Variants in SPACA9 observed in about 807,000 individuals in gnomAD.
SPACA9 encodes the protein sperm acrosome associated 9.
SPACA9 carries 14 observed loss-of-function variants against 12.5 expected under a neutral mutation model. That is an observed-to-expected ratio of 1.12 (90% CI 0.74 to 1.75). The LOEUF is 1.75. Among genes scored for constraint, SPACA9 ranks in the 40% most tolerant of loss-of-function variants. The probability of loss-of-function intolerance (pLI) is 0.00; values close to 1 mark genes in which losing one functional copy is unlikely to be tolerated. For synonymous variants in SPACA9, 111 were observed against 114.1 expected (o/e 0.97, Z 0.17); for missense variants, 292 against 291.9 (o/e 1.00, Z 0.00).
chr9:132,881,287 A>G (rs1844420738), intron 1 of SPACA9, among the ~76,000 whole-genome samples: 1 of 146,398 alleles, frequency 6.8e-6, no homozygotes, highest in African/African-American at 2.5e-5. Flanking sequence ...AAAAAAAAGA[A>G]AAAAAAGAAG....
chr9:132,886,177 G>A (rs1437813374), intron 2 of SPACA9, among the ~76,000 whole-genome samples: 1 of 152,222 alleles, frequency 6.6e-6, no homozygotes, highest in Admixed American at 6.5e-5. Context: ...ACCTGCATCT[G>A]TCATCAGATT....
Position 132,883,032 on chromosome 9 carries a change from G to A in SPACA9, c.-37-879G>A, listed in dbSNP as rs373333407. Among the ~76,000 whole-genome samples, 10 of 152,194 alleles carry A rather than the reference G, an allele frequency of 6.6e-5. No individual in the cohort carries two copies. In the East Asian group the frequency reaches 9.7e-4, roughly 15 times the overall value. On this transcript the variant is annotated intron_variant, in intron 1 of 3. Transcript: ENST00000356311. ...ATCTGTGGTCTGGAGCATTTTGCAC[G>A]CGCTCAGCAAAACTGTGATGTCATG...
At chr9:132,878,615 C>G (rs767755519), upstream of SPACA9, 2 of 1,072,892 alleles carry the variant, frequency 1.9e-6, no homozygotes, top group African/African-American at 3.3e-5. This position sits in a 1 kb window ranked among gnomAD's most constrained non-coding sequence, Gnocchi z 4.7. Context: ...TCTGTCAGTG[C>G]TCCCCGGCCC....
chr9:132,878,403 C>T (rs1844257711), upstream of SPACA9: 3 of 1,240,494 alleles, frequency 2.4e-6, no homozygotes, highest in East Asian at 3.2e-5. This position sits in a 1 kb window ranked among gnomAD's most constrained non-coding sequence, Gnocchi z 4.7. Flanking sequence ...CGCCCCCGCC[C>T]CGACCTCCCC....
intron 1 of SPACA9, 55 bp from the exon 2 acceptor site, chr9:132,883,856 C>G: frequency 7.2e-7 from 1 of 1,385,448 alleles, no homozygotes; most frequent in Non-Finnish European, 1.0e-6. Flanking sequence ...CCCTCCGGAG[C>G]TGGATCCGAG....
chr9:132,878,385 G>T (rs1564454222), upstream of SPACA9: 1 of 1,244,544 alleles, frequency 8.0e-7, no homozygotes, highest in Admixed American at 4.3e-5. This position sits in a 1 kb window ranked among gnomAD's most constrained non-coding sequence, Gnocchi z 4.7. Context: ...ATCCTCGGTC[G>T]CGCGGGTCGC....
intron 1 of SPACA9, among the ~76,000 whole-genome samples, chr9:132,883,196 C>T (rs1844472380): frequency 6.6e-6 from 1 of 152,140 alleles, no homozygotes; most frequent in African/African-American, 2.4e-5. Flanking sequence ...TCATGGCATT[C>T]CAGCAATTAA....
intron 1 of SPACA9, among the ~76,000 whole-genome samples, chr9:132,881,552 G>A (rs934206190): frequency 8.5e-5 from 13 of 152,148 alleles, no homozygotes; most frequent in Admixed American, 2.6e-4. Flanking sequence ...GATCACTTGA[G>A]GCCAGGAGTT....
At chr9:132,883,674 A>G (rs994750439) in intron 1 of SPACA9, among the ~76,000 whole-genome samples, 1 of 101,518 alleles carries the variant, frequency 9.9e-6, no homozygotes, top group African/African-American at 3.4e-5. Context: ...CCTGGCAAAG[A>G]ATGTGTTCAT....
In SPACA9 at chr9:132,889,440, T is replaced by C; in HGVS notation, c.*829T>C. ...TTTATTTTTTGAGATGGAGTTTCAC[T>C]CTGTCTCCCAGGCTGGAGTGCAGTG... On this transcript the variant is annotated 3_prime_UTR_variant, in exon 4 of 4. Coordinates refer to ENST00000356311, the MANE Select transcript of SPACA9 (RefSeq NM_001316897.2). The C allele has an allele frequency of 1.0e-6, 1 of 982,138 alleles. No individual in the cohort carries two copies. Among genetic ancestry groups the C allele is most frequent in the Non-Finnish European group, 1.2e-6 (1 of 826,952 alleles). The allele number at this position is 982,138 out of a possible 1,614,324, so 60.8% of individuals were successfully genotyped here.
chr9:132,887,451 T>C lies in SPACA9; in HGVS notation c.227T>C (p.Leu76Pro). The change falls in exon 3 of 4, where the codon CTG (leucine) becomes CCG (proline). Residue 76 changes from leucine to proline, a missense_variant. Transcript: ENST00000356311. This position sits in a 1 kb window ranked among gnomAD's most constrained non-coding sequence, Gnocchi z 5.4. ...ATGTTCCTGGACATCTGTTCAGAGC[T>C]GAATAAGCTCTGCCAGCACTTTGAG... ...LLMFLDICSE[L>P]NKLCQHFEAV... The C allele has an allele frequency of 6.2e-7, 1 of 1,613,670 alleles. No individual in the cohort carries two copies. Among genetic ancestry groups the C allele is most frequent in the Non-Finnish European group, 8.5e-7 (1 of 1,180,002 alleles).
At chr9:132,886,731 G>A (rs1321034070) in intron 2 of SPACA9, among the ~76,000 whole-genome samples, 4 of 152,182 alleles carry the variant, frequency 2.6e-5, no homozygotes, top group African/African-American at 7.2e-5. Context: ...GAGCAGGCCC[G>A]TAAAGCATTT....
chr9:132,881,350 C>T (rs889469839), intron 1 of SPACA9, among the ~76,000 whole-genome samples: 1 of 150,960 alleles, frequency 6.6e-6, no homozygotes, highest in Non-Finnish European at 1.5e-5. Flanking sequence ...TACCTGAGGT[C>T]CCAGCTACTC....
chr9:132,883,732 G>C (rs1262187339), intron 1 of SPACA9, among the ~76,000 whole-genome samples, 179 bp from the exon 2 acceptor site: 2 of 99,540 alleles, frequency 2.0e-5, no homozygotes, highest in Non-Finnish European at 4.6e-5. Context: ...GGACAGCCTG[G>C]GGGCTCTGGA....
chr9:132,883,876 C>T, intron 1 of SPACA9, 35 bp from the exon 2 acceptor site: 1 of 1,537,940 alleles, frequency 6.5e-7, no homozygotes, highest in Non-Finnish European at 9.0e-7. Context: ...GCATTGGGTC[C>T]CAGGACCTCA....
At position 132,888,167 on chromosome 9, in the gene SPACA9, G is replaced by C. The variant is rs1844623299; in HGVS notation, c.348-123G>C. The C allele has an allele frequency of 3.4e-6, 5 of 1,455,170 alleles. No homozygotes were observed. The highest frequency in any genetic ancestry group is 3.7e-6 in the Non-Finnish European group (4 of 1,089,548). The allele number at this position is 1,455,170 out of a possible 1,614,324, so 90.1% of individuals were successfully genotyped here. On this transcript the variant is annotated intron_variant, in intron 3 of 3. Transcript: ENST00000356311. The surrounding 1 kb of genome is among the most constrained non-coding windows in gnomAD (Gnocchi z 5.0). ...CTCTGGGGACAGAGCGCCTCAGCGT[G>C]CTGTGTGTCCAGTTCTAAAGCCTCC...
upstream of SPACA9, chr9:132,878,372 C>A: frequency 1.6e-6 from 2 of 1,249,128 alleles, no homozygotes; most frequent in Non-Finnish European, 2.0e-6. The surrounding 1 kb of genome is among the most constrained non-coding windows in gnomAD (Gnocchi z 4.7). Context: ...GCCCAGATAC[C>A]CGATCCTCGG....
chr9:132,880,505 G>T (rs1165619932), intron 1 of SPACA9, among the ~76,000 whole-genome samples: 1 of 151,960 alleles, frequency 6.6e-6, no homozygotes, highest in African/African-American at 2.4e-5. Flanking sequence ...AAGGGCACAC[G>T]CCCTTTCTCC....
At chr9:132,880,057 C>A (rs1393747401) in intron 1 of SPACA9, among the ~76,000 whole-genome samples, 1 of 152,196 alleles carries the variant, frequency 6.6e-6, no homozygotes, top group East Asian at 1.9e-4. Flanking sequence ...GAAGCTGCCT[C>A]CCCCTGAGCA....
Sources: allele counts gnomAD v4.1 joint callset (sites outside exome capture counted in the v4.1 genomes callset), GRCh38; gene constraint gnomAD v4.1.1; non-coding constraint Gnocchi (gnomAD v3.1); transcripts MANE v1.5; gene names NCBI Gene and HGNC (gene_info 2026-07-23, HGNC 2026-07-21).